The following USP28 variants were observed in gnomAD, a reference collection of about 807,000 sequenced individuals.
USP28 encodes the protein ubiquitin specific peptidase 28.
Under a neutral mutation model 145.0 loss-of-function variants are expected in USP28, and 113 were observed. The observed-to-expected ratio is 0.78, with a 90% CI of 0.67 to 0.91. The LOEUF is 0.91. USP28 is among the 40% of genes least tolerant of loss of function. The pLI is 0.00. For synonymous variants in USP28, 447 were observed against 450.9 expected (o/e 0.99, Z 0.11); for missense variants, 1,201 against 1,289.6 (o/e 0.93, Z 1.05).
chr11:113,835,188 A>T, intron 5 of USP28: 1 of 427,620 alleles, frequency 2.3e-6, no homozygotes, highest in Non-Finnish European at 4.6e-6. Context: ...TGCAAATCAC[A>T]TTTTTCTACT....
At chr11:113,867,315 A>G (rs1948372652) in intron 1 of USP28, among the ~76,000 whole-genome samples, 1 of 151,910 alleles carries the variant, frequency 6.6e-6, no homozygotes, top group African/African-American at 2.4e-5. Flanking sequence ...CACTCAGGCT[A>G]GAGTGCAGTG....
At chr11:113,831,810 T>A in intron 8 of USP28, 110 bp downstream of exon 8, 1 of 981,072 alleles carries the variant, frequency 1.0e-6, no homozygotes. Flanking sequence ...TCCCAGGAGG[T>A]ATGGTTAAAA....
chr11:113,872,417 G>T (rs1041285474), intron 1 of USP28, among the ~76,000 whole-genome samples: 1 of 151,918 alleles, frequency 6.6e-6, no homozygotes, highest in African/African-American at 2.4e-5. Context: ...AACCCGGGGG[G>T]CGGAGCTTGC....
intron 10 of USP28, among the ~76,000 whole-genome samples, chr11:113,828,666 T>C (rs17116052): frequency 0.01 from 1,539 of 152,286 alleles, 33 homozygotes; most frequent in African/African-American, 0.036. Context: ...ACTGGAATAC[T>C]GAGATGTTAA....
chr11:113,839,619 C>T (rs912386415), intron 5 of USP28, among the ~76,000 whole-genome samples: 7 of 151,656 alleles, frequency 4.6e-5, no homozygotes, highest in Admixed American at 2.0e-4. Context: ...CCAGGTGCAG[C>T]GGCTCACACC....
At chr11:113,873,718 C>T (rs1474697644) in intron 1 of USP28, among the ~76,000 whole-genome samples, 1 of 151,954 alleles carries the variant, frequency 6.6e-6, no homozygotes, top group Non-Finnish European at 1.5e-5. Flanking sequence ...CCTCTGAAGC[C>T]AGAGAAAAAT....
chr11:113,867,793 A>C (rs979642792), intron 1 of USP28, among the ~76,000 whole-genome samples: 2 of 138,520 alleles, frequency 1.4e-5, no homozygotes, highest in Admixed American at 1.4e-4. Context: ...CACAAAAGGA[A>C]AGAAGGAAGG....
intron 18 of USP28, among the ~76,000 whole-genome samples, chr11:113,807,275 T>A (rs564253231): frequency 6.6e-6 from 1 of 152,190 alleles, no homozygotes; most frequent in Non-Finnish European, 1.5e-5. Context: ...GGTTTCACCA[T>A]GTTGGCCAGG....
intron 5 of USP28, among the ~76,000 whole-genome samples, chr11:113,839,888 G>A (rs1945001420): frequency 6.6e-6 from 1 of 152,124 alleles, no homozygotes; most frequent in African/African-American, 2.4e-5. Flanking sequence ...CAGGCCTGGT[G>A]GTACATGCCT....
intron 9 of USP28, 92 bp downstream of exon 9, chr11:113,830,775 C>T (rs989211922): frequency 8.2e-6 from 10 of 1,223,752 alleles, no homozygotes; most frequent in Non-Finnish European, 1.2e-5. Context: ...TGCTGACTCT[C>T]AAGCCTATTC....
chr11:113,875,441 C>A lies in USP28; in HGVS notation c.57+4G>T. The A allele has an allele frequency of 8.0e-7, 1 of 1,251,006 alleles. No homozygotes were observed. Among genetic ancestry groups the A allele is most frequent in the Non-Finnish European group, 1.0e-6 (1 of 992,176 alleles). 77.5% of individuals were successfully genotyped at this position (1,251,006 alleles called of 1,614,324 possible). A position where few individuals can be genotyped will look rare whatever the true frequency, so the allele number is the denominator to read the frequency against. On this transcript the variant is annotated splice_donor_region_variant and intron_variant, in intron 1 of 24. Coordinates refer to ENST00000003302, the Ensembl canonical transcript of USP28. ...CAGCTCCCGCTCGCCGCCGCGGAGCCCACCGAGCCGTGGCCGTCTGCCGCG... is the reference window on the plus strand; with the variant it reads ...CAGCTCCCGCTCGCCGCCGCGGAGCACACCGAGCCGTGGCCGTCTGCCGCG...
chr11:113,874,206 C>T (rs1409933976), intron 1 of USP28, among the ~76,000 whole-genome samples: 1 of 149,040 alleles, frequency 6.7e-6, no homozygotes, highest in African/African-American at 2.5e-5. Context: ...AATCCCAGCA[C>T]TCTGGAAGGC....
At chr11:113,856,047 CCA>C (rs1238229448) in intron 1 of USP28, among the ~76,000 whole-genome samples, 21 of 152,212 alleles carry the variant, frequency 1.4e-4, no homozygotes, top group African/African-American at 5.1e-4. Flanking sequence ...CTTGTCAACT[CCA>C]GTCATTGCCT....
intron 2 of USP28, among the ~76,000 whole-genome samples, chr11:113,853,433 T>G (rs1322645380): frequency 1.3e-5 from 2 of 151,838 alleles, no homozygotes; most frequent in Admixed American, 6.6e-5. Context: ...CAGAACCCCA[T>G]GTACCTATCA....
intron 23 of USP28, among the ~76,000 whole-genome samples, chr11:113,802,109 C>A (rs1489972066): frequency 1.3e-5 from 2 of 152,158 alleles, no homozygotes; most frequent in East Asian, 3.9e-4. Context: ...TGTCTGAAAG[C>A]TCCCTATATG....
intron 7 of USP28, among the ~76,000 whole-genome samples, chr11:113,832,978 A>T (rs1944176245): frequency 6.6e-6 from 1 of 152,090 alleles, no homozygotes; most frequent in African/African-American, 2.4e-5. Flanking sequence ...TAGAAGAGAG[A>T]AGTTGCTGAG....
exon 11 of USP28, chr11:113,827,303 T>G (rs780114635): frequency 1.2e-6 from 2 of 1,613,020 alleles, no homozygotes; most frequent in Non-Finnish European, 1.7e-6. Context: ...AGGGACTGAT[T>G]AAACTCAAAT....
At chr11:113,806,375 A>C (rs1368399503) in intron 19 of USP28, 114 bp downstream of exon 20, 16 of 823,440 alleles carry the variant, frequency 1.9e-5, no homozygotes, top group African/African-American at 6.9e-5. Context: ...CTGGGACTAC[A>C]TGCACACACC....
chr11:113,852,652 A>G lies in USP28; in HGVS notation c.136-19T>C, dbSNP rs1451933674. The G allele has an allele frequency of 6.2e-7, 1 of 1,612,802 alleles. No individual in the cohort carries two copies. Among genetic ancestry groups the G allele is most frequent in the South Asian group, 1.1e-5 (1 of 90,962 alleles). On this transcript the variant is annotated intron_variant, in intron 2 of 24. Coordinates refer to ENST00000003302, the Ensembl canonical transcript of USP28. ...TACTGGCCTATGGGAGAAAAAGACA[A>G]TAGAAATTTCAAAAGTAATCATAGA... is the stretch of plus-strand genomic sequence containing the variant.
Sources: allele counts gnomAD v4.1 joint callset (sites outside exome capture counted in the v4.1 genomes callset), GRCh38; gene constraint gnomAD v4.1.1; transcripts MANE v1.5; gene names NCBI Gene and HGNC (gene_info 2026-07-23, HGNC 2026-07-21).